KCNN3: variants seen among roughly 807,000 people sequenced by gnomAD.
KCNN3 encodes the protein potassium calcium-activated channel subfamily N member 3.
A neutral mutation model predicts 62.9 loss-of-function variants in KCNN3; 16 were observed. The observed-to-expected ratio is 0.25, with a 90% CI of 0.17 to 0.39. The LOEUF (loss-of-function observed/expected upper bound fraction) is 0.39, where lower values mean the gene tolerates loss of function less well. KCNN3 is among the 10% of genes least tolerant of loss of function. The probability of loss-of-function intolerance (pLI) is 1.00; values close to 1 mark genes in which losing one functional copy is unlikely to be tolerated. For missense variants in KCNN3, 599 were observed against 949.4 expected (o/e 0.63, Z 4.85); for synonymous variants, 370 against 389.2 (o/e 0.95, Z 0.58).
intron 5 of KCNN3, among the ~76,000 whole-genome samples, chr1:154,722,395 T>C (rs995536102): frequency 6.6e-6 from 1 of 150,674 alleles, no homozygotes; most frequent in Non-Finnish European, 1.5e-5. Flanking sequence ...ATTTTTTTTT[T>C]TTTTTTTTTT....
intron 1 of KCNN3, among the ~76,000 whole-genome samples, chr1:154,852,510 A>G (rs555980423): frequency 1.3e-5 from 2 of 152,100 alleles, no homozygotes; most frequent in Non-Finnish European, 2.9e-5. Context: ...CACCATGCCC[A>G]GCAAGTCTGT....
At chr1:154,768,809 G>A (rs574111232) in intron 3 of KCNN3, among the ~76,000 whole-genome samples, 4 of 152,224 alleles carry the variant, frequency 2.6e-5, no homozygotes, top group Non-Finnish European at 5.9e-5. Flanking sequence ...AGCCCAGGAG[G>A]CTAGTATGAT....
chr1:154,742,754 G>A (rs1048451497), intron 3 of KCNN3, among the ~76,000 whole-genome samples: 4 of 152,180 alleles, frequency 2.6e-5, no homozygotes, highest in Non-Finnish European at 4.4e-5. Flanking sequence ...GCGAGGCCGC[G>A]GTGAGGAGTG....
At chr1:154,752,489 G>A (rs184405250) in intron 3 of KCNN3, among the ~76,000 whole-genome samples, 8 of 152,256 alleles carry the variant, frequency 5.3e-5, no homozygotes, top group Non-Finnish European at 7.4e-5. Context: ...GGAGGACTCT[G>A]CGGGCAGCAG....
chr1:154,850,848 C>T (rs1652271599), intron 1 of KCNN3, among the ~76,000 whole-genome samples: 1 of 152,212 alleles, frequency 6.6e-6, no homozygotes, highest in Admixed American at 6.5e-5. Context: ...TATTCATCAG[C>T]CCAGAGCAGG....
chr1:154,815,006 G>A (rs1650600733), intron 2 of KCNN3, among the ~76,000 whole-genome samples: 1 of 152,216 alleles, frequency 6.6e-6, no homozygotes, highest in Admixed American at 6.5e-5. Context: ...ACCTGGCAGA[G>A]GAGGCCCCCA....
intron 1 of KCNN3, among the ~76,000 whole-genome samples, chr1:154,831,495 G>A (rs769821434): frequency 1.3e-5 from 2 of 152,200 alleles, no homozygotes; most frequent in Non-Finnish European, 2.9e-5. Flanking sequence ...AATCTAATGT[G>A]CGGGCCAGAA....
chr1:154,813,443 C>T (rs758027347), intron 2 of KCNN3, among the ~76,000 whole-genome samples: 3 of 152,068 alleles, frequency 2.0e-5, no homozygotes, highest in African/African-American at 4.8e-5. Flanking sequence ...ATCTTAAGCC[C>T]GCAGGGGAGG....
At chr1:154,752,975 G>T (rs950009565) in intron 3 of KCNN3, among the ~76,000 whole-genome samples, 1 of 152,178 alleles carries the variant, frequency 6.6e-6, no homozygotes, top group Non-Finnish European at 1.5e-5. Flanking sequence ...TCAGGGACAG[G>T]CCGGGCACCT....
At chr1:154,751,160 C>A (rs1647360465) in intron 3 of KCNN3, among the ~76,000 whole-genome samples, 1 of 152,218 alleles carries the variant, frequency 6.6e-6, no homozygotes, top group Non-Finnish European at 1.5e-5. Flanking sequence ...GAGCTCAGAC[C>A]CGCCCAACTC....
chr1:154,727,620 T>C (rs114124710), intron 4 of KCNN3, among the ~76,000 whole-genome samples: 1,595 of 152,330 alleles, frequency 0.01, 17 homozygotes, highest in South Asian at 0.021. Context: ...ACCAAGTCTG[T>C]GTGAACTTTC....
At chr1:154,827,930 T>A (rs1253960693) in intron 1 of KCNN3, among the ~76,000 whole-genome samples, 1 of 152,118 alleles carries the variant, frequency 6.6e-6, no homozygotes, top group Non-Finnish European at 1.5e-5. Flanking sequence ...TTTCAGTCAC[T>A]AATGAATGAA....
intron 2 of KCNN3, among the ~76,000 whole-genome samples, chr1:154,805,344 G>A (rs1328989309): frequency 2.0e-5 from 3 of 152,084 alleles, no homozygotes; most frequent in Non-Finnish European, 2.9e-5. Flanking sequence ...TGGAAAAATC[G>A]CCTCTATTCA....
chr1:154,756,939 T>C (rs1023419845), intron 3 of KCNN3, among the ~76,000 whole-genome samples: 1 of 152,214 alleles, frequency 6.6e-6, no homozygotes, highest in Non-Finnish European at 1.5e-5. Flanking sequence ...AACAGTATTA[T>C]TATTTAGCAA....
At chr1:154,861,152 G>A (rs1323766098) in intron 1 of KCNN3, among the ~76,000 whole-genome samples, 9 of 151,908 alleles carry the variant, frequency 5.9e-5, no homozygotes, top group African/African-American at 1.7e-4. Context: ...ATGAGGTTTC[G>A]CCATGTTGGC....
intron 1 of KCNN3, among the ~76,000 whole-genome samples, chr1:154,856,450 A>T (rs1652533297): frequency 6.6e-6 from 1 of 152,178 alleles, no homozygotes; most frequent in South Asian, 2.1e-4. Context: ...CCGAAATTCC[A>T]TCTGGTGCTC....
intron 1 of KCNN3, among the ~76,000 whole-genome samples, chr1:154,847,120 T>A (rs565366344): frequency 4.6e-5 from 7 of 151,650 alleles, no homozygotes; most frequent in African/African-American, 1.5e-4. Flanking sequence ...CCCTCACTTG[T>A]CCGCCAAGCA....
intron 1 of KCNN3, among the ~76,000 whole-genome samples, chr1:154,827,053 A>G (rs1284414386): frequency 6.6e-6 from 1 of 152,230 alleles, no homozygotes; most frequent in Admixed American, 6.5e-5. Flanking sequence ...AGGTGATAGT[A>G]TCTGAAGTTC....
At chr1:154,713,442 G>A in intron 7 of KCNN3, 22 bp downstream of exon 7, 1 of 1,595,508 alleles carries the variant, frequency 6.3e-7, no homozygotes, top group Non-Finnish European at 8.6e-7. Flanking sequence ...TCTAGGGGAT[G>A]TCTCCAGACA....
Sources: allele counts gnomAD v4.1 joint callset (sites outside exome capture counted in the v4.1 genomes callset), GRCh38; gene constraint gnomAD v4.1.1; transcripts MANE v1.5; gene names NCBI Gene and HGNC (gene_info 2026-07-23, HGNC 2026-07-21).